Variants in SLC26A3 observed in about 807,000 individuals in gnomAD.
SLC26A3 encodes solute carrier family 26 member 3.
Under a neutral mutation model 85.6 loss-of-function variants are expected in SLC26A3, and 64 were observed. That is an observed-to-expected ratio of 0.75 (90% CI 0.61 to 0.92). SLC26A3 has a LOEUF of 0.92. Among genes scored for constraint, SLC26A3 ranks in the 40% least tolerant of loss-of-function variants. The pLI, the probability that SLC26A3 is intolerant of heterozygous loss-of-function variation, is 0.00. For missense variants in SLC26A3, 922 were observed against 927.3 expected, an observed-to-expected ratio of 0.99 and a Z score of 0.07; for synonymous variants, 349 against 336.0, an observed-to-expected ratio of 1.04 and a Z score of -0.42.
intron 8 of SLC26A3, among the ~76,000 whole-genome samples, chr7:107,785,211 A>C (rs1794273075): frequency 6.6e-6 from 1 of 152,202 alleles, no homozygotes; most frequent in Non-Finnish European, 1.5e-5. Context: ...AAAGAATCCT[A>C]CTTGATAGCT....
Position 107,767,766 on chromosome 7 carries a change from C to T in SLC26A3, c.2205G>A (p.Gln735=). 6.2e-7 allele frequency: 1 copy of T among 1,613,722 alleles called. No homozygotes were observed. The highest frequency in any genetic ancestry group is 8.5e-7 in the Non-Finnish European group (1 of 1,179,842). The change falls in exon 19 of 21, where the codon CAG becomes CAA. Residue 735 remains glutamine (Q), a splice_region_variant and synonymous_variant. Transcript: ENST00000340010. Reference sequence around the variant, plus strand: ...GTGAAAGTCACCAAAGAGCTGATACCTGACTGGGATTAAACTTTGAAGTAC... The same window carrying T: ...GTGAAAGTCACCAAAGAGCTGATACTTGACTGGGATTAAACTTTGAAGTAC... ...DYSTSKFNPS[Q]EKDGKIDFTI...
rs1460512086 is a variant in SLC26A3, at chr7:107,767,822, C to T, written c.2149G>A (p.Val717Ile). The T allele has an allele frequency of 6.2e-7, 1 of 1,613,462 alleles. No individual in the cohort carries two copies. The highest frequency in any genetic ancestry group is 8.5e-7 in the Non-Finnish European group (1 of 1,179,648). ...SIFFLTIHDA[V>I]LHILMKKDYS... The stretch of plus-strand genomic sequence containing the variant: ...TCTTTCTTCATCAAAATATGCAAAA[C>T]AGCATCATGGATTGTTAAGAAAAAT... The change falls in exon 19 of 21, where the codon GTT becomes ATT. Residue 717 changes from valine to isoleucine, a missense_variant. By Grantham distance (29) the Val-to-Ile change is conservative. Transcript: ENST00000340010.
chr7:107,777,133 C>T (rs773856648), intron 13 of SLC26A3, among the ~76,000 whole-genome samples: 19 of 152,082 alleles, frequency 1.2e-4, no homozygotes, highest in Non-Finnish European at 1.6e-4. Flanking sequence ...TGAAAGAGTT[C>T]GGGAGTATTT....
Position 107,774,009 on chromosome 7 carries a change from C to T in SLC26A3, c.1918G>A (p.Glu640Lys), listed in dbSNP as rs1321643315. Residue 640 changes from glutamate to lysine, a missense_variant, in exon 17 of 21, where the codon GAG becomes AAG. Transcript: ENST00000340010. ...DWNDDLPLNIEVPKISLHSLI... is the reference protein window; with the variant it reads ...DWNDDLPLNIKVPKISLHSLI... ...CTGTGGAGGCTGATTTTGGGGACCT[C>T]AATGTTGAGAGGAAGATCATCATTC... 1 of 1,614,118 alleles carries T rather than the reference C, an allele frequency of 6.2e-7. No individual in the cohort carries two copies. Among genetic ancestry groups the T allele is most frequent in the Non-Finnish European group, 8.5e-7 (1 of 1,179,992 alleles).
At chr7:107,770,307 T>C (rs1212625733) in intron 18 of SLC26A3, among the ~76,000 whole-genome samples, 1 of 122,670 alleles carries the variant, frequency 8.2e-6, no homozygotes, top group South Asian at 3.2e-4. Flanking sequence ...CCCAGGCTAG[T>C]GTGCAGTGGC....
intron 4 of SLC26A3, among the ~76,000 whole-genome samples, chr7:107,791,502 C>T (rs976371885): frequency 6.6e-6 from 1 of 152,108 alleles, no homozygotes; most frequent in Non-Finnish European, 1.5e-5. Context: ...ATCCCAGCTA[C>T]TTGGGAGGCT....
At chr7:107,791,678 G>A (rs1394073428) in intron 4 of SLC26A3, 152 bp downstream of exon 4, 4 of 503,904 alleles carry the variant, frequency 7.9e-6, no homozygotes, top group Non-Finnish European at 1.1e-5. Context: ...CTGTGACCCT[G>A]CCCTCCATCT....
Position 107,776,652 on chromosome 7 carries a change from T to G in SLC26A3, c.1569A>C (p.Lys523Asn). ...NIGRTNIYKN[K>N]KDYYDMYEPE... ...TCTCCCTTACATCATAATAATCTTT[T>G]TTATTCTTATAGATGTTGGTTCTTC... Residue 523 changes from lysine (K) to asparagine (N), a missense_variant, in exon 14 of 21, where the codon AAA (lysine) becomes AAC (asparagine). Physicochemically the swap from Lys to Asn is moderately conservative, Grantham distance 94. Transcript: ENST00000340010. 1 of 1,613,744 alleles carries G rather than the reference T, an allele frequency of 6.2e-7. No homozygotes were observed. The highest frequency in any genetic ancestry group is 8.5e-7 in the Non-Finnish European group (1 of 1,179,716).
chr7:107,783,727 A>G (rs1020051927), intron 8 of SLC26A3, among the ~76,000 whole-genome samples: 2 of 152,336 alleles, frequency 1.3e-5, no homozygotes, highest in Middle Eastern at 3.4e-3. Flanking sequence ...ATAGTTATCC[A>G]TACATGAAGT....
At position 107,778,202 on chromosome 7, in the gene SLC26A3, A is replaced by C. The variant is rs386833457; in HGVS notation, c.1487T>G (p.Leu496Arg). Reference sequence around the variant, plus strand: ...TTGGGTCCTGAACACGATGGTTAGCAGTTGAAATGCCACACTAGCTGCCAG... The same window carrying C: ...TTGGGTCCTGAACACGATGGTTAGCCGTTGAAATGCCACACTAGCTGCCAG... ...LGLAASVAFQ[L>R]LTIVFRTQFP... Residue 496 changes from leucine (L) to arginine (R), a missense_variant, in exon 13 of 21, where the codon CTG (leucine) becomes CGG (arginine). Leu to Arg is a moderately radical substitution (Grantham distance 102, BLOSUM62 -2). Coordinates refer to ENST00000340010, the MANE Select transcript of SLC26A3 (RefSeq NM_000111.3). 6.2e-7 allele frequency: 1 copy of C among 1,613,742 alleles called. No homozygotes were observed. The highest frequency in any genetic ancestry group is 8.5e-7 in the Non-Finnish European group (1 of 1,179,678).
Position 107,774,011 on chromosome 7 carries a change from A to T in SLC26A3, c.1916T>A (p.Ile639Asn), listed in dbSNP as rs777491431. Residue 639 changes from isoleucine (I) to asparagine (N), a missense_variant, in exon 17 of 21, where the codon ATT becomes AAT. Ile to Asn is a moderately radical substitution (Grantham distance 149). Coordinates refer to ENST00000340010, the MANE Select transcript of SLC26A3 (RefSeq NM_000111.3). ...GTGGAGGCTGATTTTGGGGACCTCAATGTTGAGAGGAAGATCATCATTCCA... is the reference window on the plus strand; with the variant it reads ...GTGGAGGCTGATTTTGGGGACCTCATTGTTGAGAGGAAGATCATCATTCCA... ...IDWNDDLPLNIEVPKISLHSL... is the reference protein window; with the variant it reads ...IDWNDDLPLNNEVPKISLHSL... The T allele has an allele frequency of 6.2e-7, 1 of 1,614,218 alleles. No homozygotes were observed. The highest frequency in any genetic ancestry group is 8.5e-7 in the Non-Finnish European group (1 of 1,180,020).
Position 107,800,615 on chromosome 7 carries a change from A to G in SLC26A3, c.-89+2496T>C, listed in dbSNP as rs373566185. Among the ~76,000 whole-genome samples, 8 of 152,338 alleles carry G rather than the reference A, an allele frequency of 5.3e-5. No homozygotes were observed. The South Asian group carries it at 8.3e-4, about 16-fold the overall frequency. On this transcript the variant is annotated intron_variant, in intron 1 of 20. Transcript: ENST00000340010. The stretch of plus-strand genomic sequence containing the variant: ...CAAGGGCAAGGCCCAAATCTTAACC[A>G]TTTTTCCCTCTTTTGTTAGGTCCTA...
intron 5 of SLC26A3, among the ~76,000 whole-genome samples, chr7:107,790,073 C>A (rs1185059324): frequency 1.3e-5 from 2 of 152,220 alleles, no homozygotes; most frequent in Non-Finnish European, 2.9e-5. Context: ...TTAAGTTATA[C>A]TTTCTAGCTG....
intron 1 of SLC26A3, among the ~76,000 whole-genome samples, chr7:107,797,740 CT>C (rs375903590): frequency 1.2e-4 from 15 of 127,414 alleles, no homozygotes; most frequent in Admixed American, 3.1e-4. Flanking sequence ...TGAGCAGGAC[CT>C]TTTTTTTTTG....
rs752462714 is a variant in SLC26A3, at chr7:107,779,807, T to C, written c.1312-44A>G. On this transcript the variant is annotated intron_variant, in intron 11 of 20. Transcript: ENST00000340010. ...TCAGATGTACTTTAAGTTAATGAAA[T>C]AAACCACAGGGAAGCAAAGGTGAAG... The C allele has an allele frequency of 6.6e-6, 10 of 1,519,806 alleles. No individual in the cohort carries two copies. The South Asian group carries it at 1.0e-4, about 15-fold the overall frequency. The allele number at this position is 1,519,806 out of a possible 1,614,324, so 94.1% of individuals were successfully genotyped here. A position where few individuals can be genotyped will look rare whatever the true frequency, so the allele number is the denominator to read the frequency against.
rs370863888 is a variant in SLC26A3, at chr7:107,774,906, G to A, written c.1678-34C>T. 6.8e-6 allele frequency: 10 copies of A among 1,475,636 alleles called. No individual in the cohort carries two copies. The African/African-American group carries it at 1.2e-4, about 18-fold the overall frequency. 91.4% of individuals were successfully genotyped at this position (1,475,636 alleles called of 1,614,324 possible). A position where few individuals can be genotyped will look rare whatever the true frequency, so the allele number is the denominator to read the frequency against. On this transcript the variant is annotated intron_variant, in intron 15 of 20. Coordinates refer to ENST00000340010, the MANE Select transcript of SLC26A3 (RefSeq NM_000111.3). Reference sequence around the variant, plus strand: ...CCCATTGCTGTGTTACAAGAGTACTGAATATTCTGTTATTTATATAGCATA... The same window carrying A: ...CCCATTGCTGTGTTACAAGAGTACTAAATATTCTGTTATTTATATAGCATA...
intron 1 of SLC26A3, among the ~76,000 whole-genome samples, chr7:107,798,637 C>T (rs1229298884): frequency 1.3e-5 from 2 of 152,188 alleles, no homozygotes; most frequent in African/African-American, 4.8e-5. Flanking sequence ...GTGCAGAACA[C>T]TTCCCAGCCC....
At chr7:107,768,931 T>C (rs934606303) in intron 18 of SLC26A3, among the ~76,000 whole-genome samples, 1 of 151,672 alleles carries the variant, frequency 6.6e-6, no homozygotes, top group Admixed American at 6.6e-5. Context: ...TGGGATGGAG[T>C]GGGTGGCATG....
Position 107,791,037 on chromosome 7 carries a change from A to AGG in SLC26A3, c.570+10_570+11insCC, listed in dbSNP as rs767458037. 2 of 1,613,056 alleles carry AGG rather than the reference A, an allele frequency of 1.2e-6. No individual in the cohort carries two copies. Among genetic ancestry groups the AGG allele is most frequent in the African/African-American group, 2.7e-5 (2 of 75,002 alleles). ...GATTGAGGTGGGCAAGTTACATGAG[A>AGG]AGGTGCTCACCTGGATGATTCCAGA... On this transcript the variant is annotated intron_variant, in intron 5 of 20. Transcript: ENST00000340010.
Sources: allele counts gnomAD v4.1 joint callset (sites outside exome capture counted in the v4.1 genomes callset), GRCh38; gene constraint gnomAD v4.1.1; transcripts MANE v1.5; gene names NCBI Gene and HGNC (gene_info 2026-07-23, HGNC 2026-07-21).